DEPDC5: variants seen among roughly 807,000 people sequenced by gnomAD.
DEPDC5 encodes GATOR1 complex protein DEPDC5.
A neutral mutation model predicts 217.3 loss-of-function variants in DEPDC5; 73 were observed. The ratio of observed to expected loss-of-function variants is 0.34; its 90% CI spans 0.28 to 0.41. DEPDC5 has a LOEUF of 0.41. DEPDC5 is among the 10% of genes least tolerant of loss of function. DEPDC5 has a pLI of 1.00. For synonymous variants in DEPDC5, 733 were observed against 756.7 expected (o/e 0.97, Z 0.51); for missense variants, 1,675 against 2,070.1 (o/e 0.81, Z 3.70).
intron 40 of DEPDC5, among the ~76,000 whole-genome samples, chr22:31,899,394 T>G (rs1379548986): frequency 1.3e-5 from 2 of 152,162 alleles, no homozygotes. Context: ...TTTGCCCTTT[T>G]TTTTTTCTTT....
chr22:31,864,524 ATTTATATATT>A (rs1279704597), intron 33 of DEPDC5, among the ~76,000 whole-genome samples: 2 of 132,720 alleles, frequency 1.5e-5, no homozygotes, highest in African/African-American at 5.9e-5. Flanking sequence ...ATATATATAT[ATTTATATATT>A]TATTTATTTA....
intron 39 of DEPDC5, 145 bp from the exon 40 acceptor site, chr22:31,897,337 C>T: frequency 1.9e-6 from 2 of 1,076,160 alleles, no homozygotes; most frequent in South Asian, 1.7e-5. Flanking sequence ...TGTCCAGGAC[C>T]AATTTGCAGC....
rs1261750258 is a variant in DEPDC5 at position 31,797,602 on chromosome 22, T to TCTC, written c.770_771insCTC (p.Val257_Val258insSer). The TCTC allele has an allele frequency of 6.2e-7, 1 of 1,611,882 alleles. No individual in the cohort carries two copies. Among genetic ancestry groups the TCTC allele is most frequent in the South Asian group, 1.1e-5 (1 of 91,016 alleles). ...TTTTATGATAATACTCTTTTCAGAG[T>TCTC]GGTGGTGCAGAATGAGAGAAGAGAA... On this transcript the variant is annotated inframe_insertion, in exon 13 of 43. Coordinates refer to ENST00000651528, the MANE Select transcript of DEPDC5 (RefSeq NM_001242896.3).
chr22:31,835,018 C>A (rs2090890872), intron 25 of DEPDC5, among the ~76,000 whole-genome samples: 2 of 152,204 alleles, frequency 1.3e-5, no homozygotes, highest in African/African-American at 4.8e-5. Flanking sequence ...GTGGGCTGAG[C>A]ATGGTGGCTC....
intron 1 of DEPDC5, 112 bp downstream of exon 1, chr22:31,754,276 A>G (rs542321423): frequency 6.5e-6 from 1 of 154,390 alleles, no homozygotes; most frequent in Non-Finnish European, 1.4e-5. Flanking sequence ...GACCTTGGAC[A>G]AGTCTCTCTC....
intron 31 of DEPDC5, among the ~76,000 whole-genome samples, chr22:31,849,293 T>C (rs1415173592): frequency 6.6e-6 from 1 of 152,184 alleles, no homozygotes; most frequent in African/African-American, 2.4e-5. Flanking sequence ...TCCATTCTTA[T>C]GCTACTAATA....
chr22:31,773,294 A>T (rs1308428205), intron 7 of DEPDC5, among the ~76,000 whole-genome samples: 3 of 149,410 alleles, frequency 2.0e-5, no homozygotes, highest in Non-Finnish European at 4.5e-5. Context: ...CCCAAGCAAT[A>T]CTCCCACCTC....
intron 38 of DEPDC5, among the ~76,000 whole-genome samples, chr22:31,884,999 A>T (rs552374063): frequency 6.6e-6 from 1 of 152,134 alleles, no homozygotes; most frequent in Non-Finnish European, 1.5e-5. Context: ...TGTCTCCTCT[A>T]TGATCGTGGT....
rs60268159 is a variant in DEPDC5 at position 31,784,544 on chromosome 22, G to A, written c.563-270G>A. 113 of 294,680 alleles carry A rather than the reference G, an allele frequency of 3.8e-4. No individual in the cohort carries two copies. In the East Asian group the frequency reaches 6.7e-3, roughly 17 times the overall value. 18.3% of individuals were successfully genotyped at this position (294,680 alleles called of 1,614,324 possible). On this transcript the variant is annotated intron_variant, in intron 9 of 42. Coordinates refer to ENST00000651528, the MANE Select transcript of DEPDC5 (RefSeq NM_001242896.3). ...CTCAGGATGCTGAGGCAGGAGAATCGCTTGAACCTGGGCGGCAGTGAGCCA... is the reference window on the plus strand; with the variant it reads ...CTCAGGATGCTGAGGCAGGAGAATCACTTGAACCTGGGCGGCAGTGAGCCA...
intron 10 of DEPDC5, among the ~76,000 whole-genome samples, chr22:31,785,933 AT>A (rs1200632278): frequency 6.6e-6 from 1 of 152,164 alleles, no homozygotes; most frequent in African/African-American, 2.4e-5. Flanking sequence ...CTCAAATCAT[AT>A]ATGAAATGTA....
chr22:31,819,463 C>T (rs1602139554), intron 22 of DEPDC5, among the ~76,000 whole-genome samples: 1 of 150,870 alleles, frequency 6.6e-6, no homozygotes, highest in African/African-American at 2.4e-5. Flanking sequence ...TTGTTTCTGC[C>T]CTTTTTTTTT....
intron 38 of DEPDC5, among the ~76,000 whole-genome samples, chr22:31,883,557 A>G (rs2093233361): frequency 6.6e-6 from 1 of 152,228 alleles, no homozygotes; most frequent in African/African-American, 2.4e-5. Flanking sequence ...GGTCCTGTAC[A>G]GAGCAGAAAA....
intron 19 of DEPDC5, 86 bp downstream of exon 19, chr22:31,809,733 A>G (rs936599593): frequency 6.9e-7 from 1 of 1,449,326 alleles, no homozygotes; most frequent in Admixed American, 1.7e-5. Flanking sequence ...TAATCCCAGC[A>G]CTTTGGGAGG....
Position 31,833,903 on chromosome 22 carries a change from A to G in DEPDC5, c.2105-12A>G. On this transcript the variant is annotated splice_polypyrimidine_tract_variant and intron_variant, in intron 24 of 42. Coordinates refer to ENST00000651528, the MANE Select transcript of DEPDC5 (RefSeq NM_001242896.3). ...AGCCTTCTTAAGACAAGCTGTTTTT[A>G]TCTTTCCATAGGTATGAATCCTAGG... is the stretch of plus-strand genomic sequence containing the variant. 1.3e-6 allele frequency: 2 copies of G among 1,535,294 alleles called. No individual in the cohort carries two copies. The highest frequency in any genetic ancestry group is 1.8e-6 in the Non-Finnish European group (2 of 1,136,780).
intron 10 of DEPDC5, among the ~76,000 whole-genome samples, chr22:31,785,363 G>A (rs746549921): frequency 2.6e-4 from 40 of 152,100 alleles, no homozygotes; most frequent in Admixed American, 6.6e-4. Context: ...CTATATACCA[G>A]CAATAAACAA....
At chr22:31,767,836 T>A (rs1036090490) in intron 6 of DEPDC5, among the ~76,000 whole-genome samples, 14 of 151,890 alleles carry the variant, frequency 9.2e-5, no homozygotes, top group African/African-American at 3.1e-4. Context: ...AAGCTCTGCC[T>A]CCCGGGTTCA....
chr22:31,774,316 C>T (rs551796999), intron 7 of DEPDC5, among the ~76,000 whole-genome samples: 72 of 151,600 alleles, frequency 4.7e-4, no homozygotes, highest in African/African-American at 1.4e-3. Context: ...TCTCCTGCCT[C>T]AGCCTCTCAA....
intron 18 of DEPDC5, among the ~76,000 whole-genome samples, chr22:31,806,659 T>C (rs1362994017): frequency 1.3e-5 from 2 of 152,182 alleles, no homozygotes; most frequent in Non-Finnish European, 2.9e-5. Context: ...GATGCAGATA[T>C]GCATTGCAGC....
chr22:31,772,445 T>C (rs1277019324), intron 7 of DEPDC5, among the ~76,000 whole-genome samples: 1 of 152,184 alleles, frequency 6.6e-6, no homozygotes. Context: ...CTGTGATTAG[T>C]GGTTCGAGTG....
Sources: allele counts gnomAD v4.1 joint callset (sites outside exome capture counted in the v4.1 genomes callset), GRCh38; gene constraint gnomAD v4.1.1; transcripts MANE v1.5; gene names NCBI Gene and HGNC (gene_info 2026-07-23, HGNC 2026-07-21).